Variants in SOAT2 observed in about 807,000 individuals in gnomAD.
SOAT2 encodes ACAT-2.
A neutral mutation model predicts 76.0 loss-of-function variants in SOAT2; 87 were observed. The ratio of observed to expected loss-of-function variants is 1.14; its 90% confidence interval spans 0.96 to 1.37. The LOEUF is 1.37. Ranked by LOEUF, SOAT2 falls within the 40% of genes most tolerant of loss-of-function variation. The pLI is 0.00. For synonymous variants in SOAT2, 285 were observed against 275.4 expected (o/e 1.03, Z -0.34); for missense variants, 686 against 682.1 (o/e 1.01, Z -0.06).
rs1412687726 is a variant in SOAT2 at position 53,105,163 on chromosome 12, TC to T, written c.196del (p.Arg66GlyfsTer25). 1 of 1,583,176 alleles carries T rather than the reference TC, an allele frequency of 6.3e-7. No individual in the cohort carries two copies. The highest frequency in any genetic ancestry group is 8.6e-7 in the Non-Finnish European group (1 of 1,164,626). Reference protein sequence around the residue: ...AQGQLRELLDRAMREAIQSYP... With the variant: ...AQGQLRELLDXAMREAIQSYP... Reference sequence around the variant, plus strand: ...AGGGACAACTGAGGGAGCTGCTGGATCGGGCCATGCGGGAGGCTATACAATC... The same window carrying T: ...AGGGACAACTGAGGGAGCTGCTGGATGGGCCATGCGGGAGGCTATACAATC... On this transcript the variant is annotated frameshift_variant, in exon 3 of 15. Transcript: ENST00000301466. LOFTEE classifies it high-confidence loss of function.
At chr12:53,121,157 G>A (rs1445928940) in intron 11 of SOAT2, 146 bp from the exon 12 acceptor site, 3 of 675,354 alleles carry the variant, frequency 4.4e-6, no homozygotes, top group Non-Finnish European at 5.3e-6. Context: ...GAGGGAGGTG[G>A]GAGAGTGTCT....
At chr12:53,117,477 G>A (rs959711038) in intron 7 of SOAT2, among the ~76,000 whole-genome samples, 7 of 151,922 alleles carry the variant, frequency 4.6e-5, no homozygotes, top group African/African-American at 7.3e-5. Flanking sequence ...GAGAATGGCC[G>A]GTCAGCAGAG....
chr12:53,110,587 C>T (rs2121270781), intron 5 of SOAT2, among the ~76,000 whole-genome samples: 1 of 152,208 alleles, frequency 6.6e-6, no homozygotes, highest in South Asian at 2.1e-4. Flanking sequence ...AAGAATTTAC[C>T]ATACAAGATC....
intron 7 of SOAT2, 113 bp from the exon 8 acceptor site, chr12:53,118,237 C>A (rs1476980731): frequency 6.4e-6 from 3 of 465,968 alleles, no homozygotes; most frequent in South Asian, 2.2e-5. Context: ...TATCCCCCAC[C>A]CCCACCCTAT....
Position 53,115,521 on chromosome 12 carries a change from C to T in SOAT2, c.575C>T (p.Thr192Ile). Residue 192 changes from threonine to isoleucine, a missense_variant, in exon 6 of 15, where the codon ACC becomes ATC. Physicochemically the swap from Thr to Ile is moderately conservative, Grantham distance 89 (BLOSUM62 -1). Coordinates refer to ENST00000301466, the MANE Select transcript of SOAT2 (RefSeq NM_003578.4). The part of the protein sequence containing the change: ...YQALRLWARG[T>I]WTQATGLGCA... The stretch of plus-strand genomic sequence containing the variant: ...GCCCTACGGCTGTGGGCCAGGGGCA[C>T]CTGGACGCAGGCGACGGGCCTGGGC... 2 of 1,606,166 alleles carry T rather than the reference C, an allele frequency of 1.2e-6. No individual in the cohort carries two copies. The highest frequency in any genetic ancestry group is 1.7e-6 in the Non-Finnish European group (2 of 1,179,034).
At chr12:53,111,426 A>G (rs1311876589) in intron 5 of SOAT2, among the ~76,000 whole-genome samples, 1 of 152,198 alleles carries the variant, frequency 6.6e-6, no homozygotes, top group African/African-American at 2.4e-5. Context: ...GCTTTAAAAC[A>G]GAGAATGATA....
chr12:53,116,689 TGG>T (rs931002325), intron 7 of SOAT2, among the ~76,000 whole-genome samples: 2 of 151,976 alleles, frequency 1.3e-5, no homozygotes, highest in Non-Finnish European at 2.9e-5. Context: ...CGTAGTGAGA[TGG>T]GGTCTCACTT....
chr12:53,119,308 G>C (rs1264154858), intron 10 of SOAT2, 55 bp downstream of exon 10: 14 of 1,591,134 alleles, frequency 8.8e-6, no homozygotes, highest in African/African-American at 1.3e-5. Flanking sequence ...GGCTAATCAG[G>C]GAAGGCCTTG....
intron 12 of SOAT2, among the ~76,000 whole-genome samples, chr12:53,122,434 T>TAATC (rs528485370): frequency 1.6e-5 from 2 of 125,404 alleles, no homozygotes; most frequent in Admixed American, 1.6e-4. Context: ...GGTCAGCAGA[T>TAATC]AAGTGAACAA....
In SOAT2 at chr12:53,103,637, G is replaced by A. The variant is rs1440097635; in HGVS notation, c.60G>A (p.Arg20=). The A allele has an allele frequency of 1.3e-6, 2 of 1,541,840 alleles. No homozygotes were observed. The highest frequency in any genetic ancestry group is 1.7e-6 in the Non-Finnish European group (2 of 1,144,848). The change falls in exon 1 of 15, where the codon CGG becomes CGA. Residue 20 remains arginine, a synonymous_variant. Coordinates refer to ENST00000301466, the MANE Select transcript of SOAT2 (RefSeq NM_003578.4). ...LQRTEGLGGE[R]ERQPCGDGNT... The stretch of plus-strand genomic sequence containing the variant: ...GGACAGAAGGGCTGGGAGGGGAGCG[G>A]GAGCGCCAACCCTGTGGAGATGGTG...
chr12:53,111,543 C>T (rs7965179), intron 5 of SOAT2, among the ~76,000 whole-genome samples: 14,737 of 152,244 alleles, frequency 0.097, 890 homozygotes, highest in African/African-American at 0.16. Context: ...TCGCTATCTT[C>T]ATTAAACAAT....
At position 53,124,247 on chromosome 12, in the gene SOAT2, AC is replaced by A; in HGVS notation, c.*128del. Reference sequence around the variant, plus strand: ...TGAGTCGAGGCAACCTGCACACAAGACCCCACCAAGGAATGTGCAAGGACTG... The same window carrying A: ...TGAGTCGAGGCAACCTGCACACAAGACCCACCAAGGAATGTGCAAGGACTG... On this transcript the variant is annotated 3_prime_UTR_variant, in exon 15 of 15. Transcript: ENST00000301466. 2 of 893,170 alleles carry A rather than the reference AC, an allele frequency of 2.2e-6. No homozygotes were observed. Among genetic ancestry groups the A allele is most frequent in the Non-Finnish European group, 3.7e-6 (2 of 543,944 alleles). 55.3% of individuals were successfully genotyped at this position (893,170 alleles called of 1,614,324 possible).
At chr12:53,121,013 C>A in intron 11 of SOAT2, 130 bp downstream of exon 11, 1 of 747,600 alleles carries the variant, frequency 1.3e-6, no homozygotes, top group Non-Finnish European at 2.4e-6. Context: ...GAAATGCAGT[C>A]CTCTGGATGT....
At chr12:53,120,751 A>T (rs746890075) in intron 10 of SOAT2, 35 bp from the exon 11 acceptor site, 2 of 1,540,506 alleles carry the variant, frequency 1.3e-6, no homozygotes, top group Non-Finnish European at 1.8e-6. Flanking sequence ...CATGTGGGCC[A>T]GCCTGACCTG....
At chr12:53,119,684 C>T (rs1314040000) in intron 10 of SOAT2, among the ~76,000 whole-genome samples, 1 of 152,212 alleles carries the variant, frequency 6.6e-6, no homozygotes, top group African/African-American at 2.4e-5. Context: ...CAGGCCTTTG[C>T]CCATACTGGC....
At chr12:53,123,930 G>A in intron 14 of SOAT2, 57 bp downstream of exon 14, 1 of 1,610,360 alleles carries the variant, frequency 6.2e-7, no homozygotes, top group Non-Finnish European at 8.5e-7. Flanking sequence ...CAGACCAACA[G>A]CCAGTCCCTC....
intron 12 of SOAT2, 57 bp from the exon 13 acceptor site, chr12:53,123,024 C>T: frequency 6.7e-7 from 1 of 1,503,318 alleles, no homozygotes; most frequent in Non-Finnish European, 8.9e-7. Flanking sequence ...GAGGTGGGGG[C>T]TCTTTGTGGA....
At position 53,104,169 on chromosome 12, in the gene SOAT2, G is replaced by A. The variant is rs1224226782; in HGVS notation, c.101G>A (p.Arg34Lys). ...CTCACAGGAAACACTGAGACGCACA[G>A]AGCCCCGGACTTGGTACAATGGACC... is the stretch of plus-strand genomic sequence containing the variant. Reference protein sequence around the residue: ...PCGDGNTETHRAPDLVQWTRH... With the variant: ...PCGDGNTETHKAPDLVQWTRH... Residue 34 changes from arginine (R) to lysine (K), a missense_variant, in exon 2 of 15, where the codon AGA becomes AAA. Transcript: ENST00000301466. 2.5e-6 allele frequency: 4 copies of A among 1,613,372 alleles called. No homozygotes were observed. The highest frequency in any genetic ancestry group is 1.3e-5 in the African/African-American group (1 of 74,902).
At chr12:53,111,111 C>CTTTTTTT (rs1565626647) in intron 5 of SOAT2, among the ~76,000 whole-genome samples, 6 of 131,016 alleles carry the variant, frequency 4.6e-5, no homozygotes, top group Admixed American at 7.1e-5. Flanking sequence ...CATTTGCCTA[C>CTTTTTTT]ATTTTTTTTT....
Sources: allele counts gnomAD v4.1 joint callset (sites outside exome capture counted in the v4.1 genomes callset), GRCh38; gene constraint gnomAD v4.1.1; transcripts MANE v1.5; gene names NCBI Gene and HGNC (gene_info 2026-07-23, HGNC 2026-07-21).